SEC14L1: variants seen among roughly 807,000 people sequenced by gnomAD.
SEC14L1 encodes SEC14-like protein 1.
A neutral mutation model predicts 85.3 loss-of-function variants in SEC14L1; 48 were observed. That is an observed-to-expected ratio of 0.56 (90% confidence interval 0.45 to 0.72). The LOEUF is 0.72. Among genes scored for constraint, SEC14L1 ranks in the 30% least tolerant of loss-of-function variants. The pLI is 0.00. For missense variants in SEC14L1, 682 were observed against 921.4 expected (o/e 0.74, Z 3.36); for synonymous variants, 391 against 355.5 (o/e 1.10, Z -1.12).
intron 3 of SEC14L1, among the ~76,000 whole-genome samples, chr17:77,159,484 G>T (rs544172346): frequency 2.7e-5 from 4 of 150,190 alleles, no homozygotes; most frequent in Admixed American, 1.3e-4. Context: ...AGGTTCAAGC[G>T]ATTCTTCTCT....
At chr17:77,132,305 C>T (rs1217787160) in intron 3 of SEC14L1, among the ~76,000 whole-genome samples, 1 of 151,736 alleles carries the variant, frequency 6.6e-6, no homozygotes, top group East Asian at 1.9e-4. Flanking sequence ...TCACTGCACC[C>T]TCCAACTCCT....
chr17:77,189,882 A>C (rs761252579), intron 3 of SEC14L1, among the ~76,000 whole-genome samples: 1 of 151,390 alleles, frequency 6.6e-6, no homozygotes, highest in Non-Finnish European at 1.5e-5. Flanking sequence ...CCCACCTCAG[A>C]CTCCCAAAGT....
intron 3 of SEC14L1, among the ~76,000 whole-genome samples, chr17:77,177,664 T>G (rs1053524997): frequency 1.3e-5 from 2 of 152,154 alleles, no homozygotes; most frequent in Admixed American, 1.3e-4. Flanking sequence ...ACATTATATC[T>G]AATGCTAGAT....
chr17:77,162,729 T>C (rs149539698), intron 3 of SEC14L1, among the ~76,000 whole-genome samples: 2,230 of 150,798 alleles, frequency 0.015, 50 homozygotes, highest in Admixed American at 0.041. Flanking sequence ...ACTCGGGAGG[T>C]TGAGGCAGGA....
chr17:77,173,305 G>A (rs1284463699), intron 3 of SEC14L1, among the ~76,000 whole-genome samples: 1 of 151,900 alleles, frequency 6.6e-6, no homozygotes, highest in Non-Finnish European at 1.5e-5. Context: ...TCCTGGGGGA[G>A]GGCCCTGAGG....
chr17:77,157,199 C>T (rs1973852626), intron 3 of SEC14L1, among the ~76,000 whole-genome samples: 2 of 152,264 alleles, frequency 1.3e-5, no homozygotes, highest in South Asian at 4.1e-4. Context: ...CTACAGGGTA[C>T]ATATTTTAAG....
At chr17:77,114,294 G>T (rs1015654324) in intron 3 of SEC14L1, among the ~76,000 whole-genome samples, 2 of 152,090 alleles carry the variant, frequency 1.3e-5, no homozygotes. Flanking sequence ...GGAGGCCAAG[G>T]TGGGCAGATC....
chr17:77,131,186 A>G (rs1166025132), intron 3 of SEC14L1, among the ~76,000 whole-genome samples: 1 of 152,212 alleles, frequency 6.6e-6, no homozygotes, highest in Non-Finnish European at 1.5e-5. Context: ...GCCGTTGTGG[A>G]ACCGAATAGG....
chr17:77,157,394 C>T (rs1017266581), intron 3 of SEC14L1, among the ~76,000 whole-genome samples: 1 of 152,136 alleles, frequency 6.6e-6, no homozygotes, highest in African/African-American at 2.4e-5. Flanking sequence ...GAGGTGAGTC[C>T]CGCAGTCTGT....
intron 3 of SEC14L1, among the ~76,000 whole-genome samples, chr17:77,168,156 G>C (rs1260220070): frequency 6.6e-6 from 1 of 152,202 alleles, no homozygotes; most frequent in African/African-American, 2.4e-5. Context: ...CCACAAGCGT[G>C]GGAGGGTTGT....
chr17:77,103,830 G>A (rs1050727288), intron 3 of SEC14L1, among the ~76,000 whole-genome samples: 6 of 149,650 alleles, frequency 4.0e-5, no homozygotes, highest in South Asian at 4.2e-4. Context: ...GGCTCCATGG[G>A]GTTATGAGGA....
intron 3 of SEC14L1, among the ~76,000 whole-genome samples, chr17:77,102,900 C>T (rs1598220011): frequency 6.6e-6 from 1 of 152,068 alleles, no homozygotes. Flanking sequence ...CTCCTGGGCT[C>T]GAGGGATCCC....
At chr17:77,182,335 G>A (rs1975074129) in intron 3 of SEC14L1, among the ~76,000 whole-genome samples, 1 of 152,188 alleles carries the variant, frequency 6.6e-6, no homozygotes, top group Admixed American at 6.5e-5. Context: ...TTGGTTAAAA[G>A]CTGAAAGTGC....
intron 3 of SEC14L1, among the ~76,000 whole-genome samples, chr17:77,100,037 G>A (rs1306525777): frequency 1.3e-5 from 2 of 152,198 alleles, no homozygotes; most frequent in African/African-American, 2.4e-5. Context: ...CTAACACTAG[G>A]CTAAGCTTCC....
At chr17:77,105,935 G>A (rs1282677215) in intron 3 of SEC14L1, among the ~76,000 whole-genome samples, 2 of 151,626 alleles carry the variant, frequency 1.3e-5, no homozygotes, top group Non-Finnish European at 2.9e-5. Context: ...ATTTGTGACA[G>A]TTGAATTATT....
chr17:77,175,538 A>C (rs1439676806), intron 3 of SEC14L1, among the ~76,000 whole-genome samples: 4 of 152,208 alleles, frequency 2.6e-5, no homozygotes, highest in Non-Finnish European at 4.4e-5. Context: ...CTTATCCTAT[A>C]ACCTTCACTG....
chr17:77,160,141 G>T (rs549679886), intron 3 of SEC14L1, among the ~76,000 whole-genome samples: 8 of 152,242 alleles, frequency 5.3e-5, no homozygotes. Flanking sequence ...TACTGACTCT[G>T]TGGAGTTATT....
intron 9 of SEC14L1, 95 bp downstream of exon 9, chr17:77,200,768 C>G: frequency 8.3e-7 from 1 of 1,209,078 alleles, no homozygotes; most frequent in Non-Finnish European, 1.2e-6. Flanking sequence ...TGAGTGGGGC[C>G]CCCTTGAGTG....
rs147586572 is a variant in SEC14L1, at chr17:77,133,872, G to C, written c.-135-8774G>C. On this transcript the variant is annotated intron_variant, in intron 3 of 19. Transcript: ENST00000392476. ...GAGAATCACTAGAACCCAGGAGGTG[G>C]AGGTTGCAGTGAACTAAGATCATGC... Among the ~76,000 whole-genome samples the C allele has an allele frequency of 3.2e-3, 474 of 149,252 alleles. 1 individual carries two copies. Among genetic ancestry groups the C allele is most frequent in the Non-Finnish European group, 5.7e-3 (385 of 67,548 alleles).
Sources: gnomAD v4.1 joint callset for allele counts (sites outside exome capture counted in the v4.1 genomes callset) on GRCh38, gnomAD v4.1.1 for gene constraint, MANE v1.5 for transcripts, NCBI Gene and HGNC (gene_info 2026-07-23, HGNC 2026-07-21) for gene names.